CSMD1: variants seen among roughly 807,000 people sequenced by gnomAD.
CSMD1 encodes CUB and sushi domain-containing protein 1.
Under a neutral mutation model 417.5 loss-of-function variants are expected in CSMD1, and 213 were observed. The ratio of observed to expected loss-of-function variants is 0.51; its 90% confidence interval spans 0.46 to 0.57. The LOEUF (loss-of-function observed/expected upper bound fraction) is 0.57. Among genes scored for constraint, CSMD1 ranks in the 20% least tolerant of loss-of-function variants. The probability of loss-of-function intolerance (pLI) is 0.00; values close to 1 mark genes in which losing one functional copy is unlikely to be tolerated. For synonymous variants in CSMD1, 2,862 were observed against 1,736.8 expected, an observed-to-expected ratio of 1.65 and a Z score of -16.11; for missense variants, 6,923 against 4,529.7, an observed-to-expected ratio of 1.53 and a Z score of -15.17.
intron 3 of CSMD1, among the ~76,000 whole-genome samples, chr8:4,282,005 A>T (rs2128860354): frequency 6.6e-6 from 1 of 152,354 alleles, no homozygotes; most frequent in South Asian, 2.1e-4. Context: ...AGGTGAATTC[A>T]TGTTCTCTTG....
At chr8:3,593,038 TG>T (rs754996542) in intron 8 of CSMD1, among the ~76,000 whole-genome samples, 9 of 152,162 alleles carry the variant, frequency 5.9e-5, no homozygotes, top group Admixed American at 6.5e-5. Flanking sequence ...CAGGAGAGGC[TG>T]GAAGCCCTGG....
intron 25 of CSMD1, among the ~76,000 whole-genome samples, chr8:3,302,333 C>G (rs1804478469): frequency 6.6e-6 from 1 of 152,100 alleles, no homozygotes; most frequent in African/African-American, 2.4e-5. Flanking sequence ...CTCCATCGTT[C>G]TCATCACAGC....
At chr8:3,101,141 T>C (rs1011959567) in intron 46 of CSMD1, among the ~76,000 whole-genome samples, 9 of 151,880 alleles carry the variant, frequency 5.9e-5, no homozygotes, top group African/African-American at 1.2e-4. Flanking sequence ...AAACCTGACG[T>C]TGAAGACCTT....
chr8:3,723,190 C>A (rs750331530), intron 6 of CSMD1, among the ~76,000 whole-genome samples: 1 of 152,274 alleles, frequency 6.6e-6, no homozygotes, highest in Admixed American at 6.5e-5. Flanking sequence ...ACTCGGGGCA[C>A]TCAGGGAAGC....
intron 3 of CSMD1, among the ~76,000 whole-genome samples, chr8:4,315,645 T>C (rs1048854152): frequency 1.3e-5 from 2 of 152,212 alleles, no homozygotes; most frequent in Non-Finnish European, 2.9e-5. Flanking sequence ...GATTTTATTA[T>C]AGAATCAAGG....
At chr8:4,638,322 G>A (rs972856886) in intron 1 of CSMD1, among the ~76,000 whole-genome samples, 1 of 152,090 alleles carries the variant, frequency 6.6e-6, no homozygotes, top group Non-Finnish European at 1.5e-5. Flanking sequence ...GTGGTAATAA[G>A]AATAGTTAGA....
At chr8:4,700,298 C>A (rs777599130) in intron 1 of CSMD1, among the ~76,000 whole-genome samples, 1 of 151,834 alleles carries the variant, frequency 6.6e-6, no homozygotes, top group Non-Finnish European at 1.5e-5. Context: ...TATAAACCAA[C>A]GTGAATGTTT....
intron 49 of CSMD1, among the ~76,000 whole-genome samples, chr8:3,064,477 A>G (rs1812790546): frequency 6.6e-6 from 1 of 152,218 alleles, no homozygotes; most frequent in South Asian, 2.1e-4. Context: ...TTTCCTGTAC[A>G]GCCTACAGAA....
chr8:4,250,691 T>C (rs1052370564), intron 3 of CSMD1, among the ~76,000 whole-genome samples: 3 of 152,200 alleles, frequency 2.0e-5, no homozygotes, highest in East Asian at 1.9e-4. Context: ...TCAGCAAATA[T>C]TGCCTTTTCA....
At chr8:4,577,715 C>T (rs73184983) in intron 2 of CSMD1, among the ~76,000 whole-genome samples, 19,148 of 152,226 alleles carry the variant, frequency 0.13, 1,527 homozygotes, top group Non-Finnish European at 0.17. Context: ...CCCTTGCACC[C>T]TAACACAGTG....
chr8:3,372,306 C>A (rs180882088), intron 18 of CSMD1, among the ~76,000 whole-genome samples: 11 of 152,238 alleles, frequency 7.2e-5, no homozygotes, highest in Admixed American at 4.6e-4. Context: ...ACAGAAAGGA[C>A]ACCTCTGTGA....
chr8:4,568,205 G>A (rs1340324141), intron 2 of CSMD1, among the ~76,000 whole-genome samples: 1 of 151,962 alleles, frequency 6.6e-6, no homozygotes, highest in Non-Finnish European at 1.5e-5. Context: ...TTGACACATG[G>A]GTATACATGT....
At chr8:3,329,344 A>G (rs976579430) in intron 23 of CSMD1, among the ~76,000 whole-genome samples, 2 of 152,076 alleles carry the variant, frequency 1.3e-5, no homozygotes, top group Admixed American at 1.3e-4. Context: ...ACCCATTTGC[A>G]GCGTGACAGA....
intron 1 of CSMD1, among the ~76,000 whole-genome samples, chr8:4,918,263 T>A (rs968199179): frequency 2.0e-5 from 3 of 152,176 alleles, no homozygotes; most frequent in Non-Finnish European, 4.4e-5. Flanking sequence ...GCGAAGCATG[T>A]GAGCTTTCTG....
intron 5 of CSMD1, among the ~76,000 whole-genome samples, chr8:3,800,170 A>C (rs1376439850): frequency 6.6e-6 from 1 of 152,178 alleles, no homozygotes; most frequent in East Asian, 1.9e-4. Context: ...AACAAAAATC[A>C]GTGGCTAGAC....
chr8:3,291,036 G>C lies in CSMD1; in HGVS notation c.3951-6690C>G, dbSNP rs190467559. Among the ~76,000 whole-genome samples the C allele has an allele frequency of 1.2e-4, 18 of 152,112 alleles. No individual in the cohort carries two copies. In the South Asian group the frequency reaches 1.9e-3, roughly 16 times the overall value. The stretch of plus-strand genomic sequence containing the variant: ...TTTTTTGAGAGTTTTTAGCATGAAG[G>C]GTTGTTGAATTTTGTCAAAGGCCTT... On this transcript the variant is annotated intron_variant, in intron 25 of 69. Coordinates refer to ENST00000635120, the MANE Select transcript of CSMD1 (RefSeq NM_033225.6).
chr8:4,247,519 T>G (rs1182389540), intron 3 of CSMD1, among the ~76,000 whole-genome samples: 2 of 152,134 alleles, frequency 1.3e-5, no homozygotes, highest in Non-Finnish European at 2.9e-5. Flanking sequence ...GAAATTTACT[T>G]TTTCTTATTA....
intron 3 of CSMD1, among the ~76,000 whole-genome samples, chr8:4,197,419 G>T (rs1330177785): frequency 1.3e-5 from 2 of 152,190 alleles, no homozygotes; most frequent in African/African-American, 4.8e-5. Context: ...TTGGTAGAAT[G>T]AGTAAAGCAG....
intron 5 of CSMD1, among the ~76,000 whole-genome samples, chr8:3,942,223 C>A (rs1810932326): frequency 6.6e-6 from 1 of 152,006 alleles, no homozygotes; most frequent in Non-Finnish European, 1.5e-5. Flanking sequence ...TTATTTTCAT[C>A]ATATATTACT....
Sources: allele counts gnomAD v4.1 joint callset (sites outside exome capture counted in the v4.1 genomes callset), GRCh38; gene constraint gnomAD v4.1.1; transcripts MANE v1.5; gene names NCBI Gene and HGNC (gene_info 2026-07-23, HGNC 2026-07-21).